CFAP418: variants seen among roughly 807,000 people sequenced by gnomAD.
The protein encoded by CFAP418 is cilia- and flagella-associated protein 418.
In CFAP418, 27 loss-of-function variants were observed where a neutral mutation model predicts 24.7. That is an observed-to-expected ratio of 1.09 (90% CI 0.81 to 1.51). The LOEUF is 1.51. Among genes scored for constraint, CFAP418 ranks in the 40% most tolerant of loss-of-function variants. The pLI is 0.00. For missense variants in CFAP418, 257 were observed against 255.2 expected (o/e 1.01, Z -0.05); for synonymous variants, 74 against 87.3 (o/e 0.85, Z 0.85).
intron 3 of CFAP418, 40 bp from the exon 4 acceptor site, chr8:95,259,945 C>T (rs1335466768): frequency 4.6e-6 from 7 of 1,505,820 alleles, no homozygotes; most frequent in Non-Finnish European, 6.2e-6. Context: ...GAAGTTATAA[C>T]AAAAAATAGG....
At chr8:95,263,408 A>G (rs1431557519) in intron 2 of CFAP418, among the ~76,000 whole-genome samples, 2 of 152,216 alleles carry the variant, frequency 1.3e-5, no homozygotes, top group Non-Finnish European at 2.9e-5. Context: ...AGATACTACA[A>G]ATAAATACAA....
In CFAP418 at chr8:95,269,018, C is replaced by T. The variant is rs781310778; in HGVS notation, c.155+17G>A. 6.2e-7 allele frequency: 1 copy of T among 1,613,106 alleles called. No individual in the cohort carries two copies. The highest frequency in any genetic ancestry group is 1.7e-5 in the Admixed American group (1 of 59,942). Reference sequence around the variant, plus strand: ...CAGGGCTTTACCAGAACAGTCCACCCCTCCCGCCCGGTTAACCTGAGCGTC... The same window carrying T: ...CAGGGCTTTACCAGAACAGTCCACCTCTCCCGCCCGGTTAACCTGAGCGTC... On this transcript the variant is annotated intron_variant, in intron 1 of 5. Transcript: ENST00000286688.
Position 95,269,178 on chromosome 8 carries a change from G to C in CFAP418, c.12C>G (p.Asp4Glu). 6.2e-7 allele frequency: 1 copy of C among 1,614,144 alleles called. No individual in the cohort carries two copies. The highest frequency in any genetic ancestry group is 8.5e-7 in the Non-Finnish European group (1 of 1,179,990). MAE[D>E]LDELLDEVES... The stretch of plus-strand genomic sequence containing the variant: ...CGACTTCATCCAAGAGCTCGTCCAG[G>C]TCCTCCGCCATCTTGAATCGCCTGG... Residue 4 changes from aspartate to glutamate, a missense_variant, in exon 1 of 6, where the codon GAC becomes GAG. By Grantham distance (45) the Asp-to-Glu change is conservative (BLOSUM62 2). Coordinates refer to ENST00000286688, the MANE Select transcript of CFAP418 (RefSeq NM_177965.4).
intron 5 of CFAP418, among the ~76,000 whole-genome samples, chr8:95,248,757 A>T (rs998114307): frequency 3.9e-5 from 6 of 152,288 alleles, no homozygotes; most frequent in African/African-American, 7.2e-5. Context: ...AAAAATTTTT[A>T]AAAAAGATGA....
At chr8:95,251,232 AC>A (rs1811701959) in intron 5 of CFAP418, among the ~76,000 whole-genome samples, 1 of 152,228 alleles carries the variant, frequency 6.6e-6, no homozygotes, top group Admixed American at 6.5e-5. Context: ...CACCGTGAAT[AC>A]ACAGGAAGGG....
intron 1 of CFAP418, among the ~76,000 whole-genome samples, chr8:95,267,494 G>A (rs902095000): frequency 2.6e-5 from 4 of 152,194 alleles, no homozygotes; most frequent in African/African-American, 2.4e-5. Context: ...TCAGCTACTC[G>A]GGAGGCTGAG....
chr8:95,247,952 TCCCCTCAGCCTTC>T (rs1458729368), intron 5 of CFAP418, among the ~76,000 whole-genome samples, 182 bp from the exon 6 acceptor site: 3 of 152,186 alleles, frequency 2.0e-5, no homozygotes, highest in Non-Finnish European at 4.4e-5. Context: ...CTCCCAGGCT[TCCCCTCAGCCTTC>T]CAAGTAGCTG....
chr8:95,255,681 A>G (rs1811776165), intron 4 of CFAP418, among the ~76,000 whole-genome samples: 1 of 152,238 alleles, frequency 6.6e-6, no homozygotes, highest in African/African-American at 2.4e-5. Flanking sequence ...CTTAGGACCT[A>G]TCAGGTGGTT....
At chr8:95,253,295 G>C (rs1245468470) in intron 4 of CFAP418, among the ~76,000 whole-genome samples, 1 of 150,774 alleles carries the variant, frequency 6.6e-6, no homozygotes, top group Non-Finnish European at 1.5e-5. Context: ...GGGCGACAAA[G>C]CGAGACTCTG....
intron 1 of CFAP418, among the ~76,000 whole-genome samples, chr8:95,264,943 C>T (rs1391054850): frequency 6.6e-6 from 1 of 152,182 alleles, no homozygotes; most frequent in Non-Finnish European, 1.5e-5. Context: ...CAAAGAGACA[C>T]TTCAAAAAAC....
chr8:95,259,926 C>T (rs771351870), intron 3 of CFAP418, 21 bp from the exon 4 acceptor site: 31 of 1,539,490 alleles, frequency 2.0e-5, no homozygotes, highest in Non-Finnish European at 2.6e-5. Flanking sequence ...TCAACAGATG[C>T]AAAAATATGA....
intron 5 of CFAP418, among the ~76,000 whole-genome samples, chr8:95,249,981 C>T (rs776902503): frequency 6.6e-6 from 1 of 152,212 alleles, no homozygotes; most frequent in Non-Finnish European, 1.5e-5. Flanking sequence ...CCAAGGCTCA[C>T]CTCCCATCAG....
chr8:95,248,375 A>G (rs1811658771), intron 5 of CFAP418, among the ~76,000 whole-genome samples: 1 of 152,202 alleles, frequency 6.6e-6, no homozygotes, highest in Admixed American at 6.5e-5. Flanking sequence ...GGTGGAAAGG[A>G]TGGTGGTTCA....
chr8:95,267,581 T>C (rs1037061714), intron 1 of CFAP418, among the ~76,000 whole-genome samples: 2 of 151,968 alleles, frequency 1.3e-5, no homozygotes, highest in Non-Finnish European at 2.9e-5. Flanking sequence ...AGAGCGAAAC[T>C]CAAAAATAAA....
In CFAP418 at chr8:95,245,988, A is replaced by G. The variant is rs532315210; in HGVS notation, c.*1629T>C. The stretch of plus-strand genomic sequence containing the variant: ...TTATTAAAAGATAAAATCTGTCATA[A>G]TGTCTTTTTTTTTTTTTTGAGACAG... On this transcript the variant is annotated 3_prime_UTR_variant, in exon 6 of 6. Coordinates refer to ENST00000286688, the MANE Select transcript of CFAP418 (RefSeq NM_177965.4). 6.7e-6 allele frequency: 1 copy of G among 150,180 alleles called. No homozygotes were observed. Among genetic ancestry groups the G allele is most frequent in the South Asian group, 2.1e-4 (1 of 4,794 alleles). The allele number at this position is 150,180 out of a possible 1,614,324, so 9.3% of individuals were successfully genotyped here. A position where few individuals can be genotyped will look rare whatever the true frequency, so the allele number is the denominator to read the frequency against.
intron 1 of CFAP418, among the ~76,000 whole-genome samples, chr8:95,268,527 G>C (rs943853381): frequency 6.6e-6 from 1 of 151,930 alleles, no homozygotes; most frequent in African/African-American, 2.4e-5. Flanking sequence ...GATTGACCTG[G>C]GGAGTGGGGT....
intron 5 of CFAP418, among the ~76,000 whole-genome samples, chr8:95,248,310 C>T (rs1200281185): frequency 1.3e-5 from 2 of 152,068 alleles, no homozygotes; most frequent in African/African-American, 4.8e-5. Flanking sequence ...ACACAATAAC[C>T]TAAAGGCTGA....
rs569558978 is a variant in CFAP418 at position 95,247,584 on chromosome 8, G to A, written c.*33C>T. 1 of 1,612,590 alleles carries A rather than the reference G, an allele frequency of 6.2e-7. No homozygotes were observed. Among genetic ancestry groups the A allele is most frequent in the South Asian group, 1.1e-5 (1 of 91,034 alleles). ...GATGATTCATGGAGACCACTCTCATGGATGCATCTGTCCGAATGTGCAGTC... is the reference window on the plus strand; with the variant it reads ...GATGATTCATGGAGACCACTCTCATAGATGCATCTGTCCGAATGTGCAGTC... On this transcript the variant is annotated 3_prime_UTR_variant, in exon 6 of 6. Transcript: ENST00000286688.
At chr8:95,261,053 C>T (rs1811880267) in intron 2 of CFAP418, among the ~76,000 whole-genome samples, 1 of 152,172 alleles carries the variant, frequency 6.6e-6, no homozygotes, top group Non-Finnish European at 1.5e-5. Flanking sequence ...ACTACCTAGT[C>T]ACAACCATAC....
Sources: gnomAD v4.1 joint callset for allele counts (sites outside exome capture counted in the v4.1 genomes callset) on GRCh38, gnomAD v4.1.1 for gene constraint, MANE v1.5 for transcripts, NCBI Gene and HGNC (gene_info 2026-07-23, HGNC 2026-07-21) for gene names.